ZNF804A: variants seen among roughly 807,000 people sequenced by gnomAD.
ZNF804A encodes the protein zinc finger protein 804A.
In ZNF804A, 2 loss-of-function variants were observed where a neutral mutation model predicts 16.5. The observed-to-expected ratio is 0.12, with a 90% confidence interval of 0.05 to 0.38. The LOEUF (loss-of-function observed/expected upper bound fraction) is 0.38. ZNF804A is among the 10% of genes least tolerant of loss of function. The pLI, the probability that ZNF804A is intolerant of heterozygous loss-of-function variation, is 0.99. For synonymous variants in ZNF804A, 534 were observed against 489.6 expected (o/e 1.09, Z -1.20); for missense variants, 1,473 against 1,390.7 (o/e 1.06, Z -0.94).
rs191729559 is a variant in ZNF804A at position 184,624,117 on chromosome 2, G to A, written c.111+25047G>A. 4.6e-5 allele frequency among the ~76,000 whole-genome samples: 7 copies of A among 152,192 alleles called. No individual in the cohort carries two copies. The East Asian group carries it at 1.4e-3, about 29-fold the overall frequency. On this transcript the variant is annotated intron_variant, in intron 1 of 3. Transcript: ENST00000302277. ...ATAGTGCTGGCCCATTAATACATTT[G>A]CAGTTACCAGTAGATTAAAGGAGTG...
chr2:184,825,004 A>C (rs565845459), intron 1 of ZNF804A, among the ~76,000 whole-genome samples: 5 of 152,316 alleles, frequency 3.3e-5, no homozygotes, highest in African/African-American at 9.6e-5. Flanking sequence ...CCACGTCTCA[A>C]TATGAGTGTC....
intron 1 of ZNF804A, among the ~76,000 whole-genome samples, chr2:184,612,145 T>A (rs1168020753): frequency 1.3e-5 from 2 of 152,198 alleles, no homozygotes; most frequent in Non-Finnish European, 2.9e-5. Flanking sequence ...TCAACTGTGA[T>A]GATAGTTACT....
At chr2:184,660,186 T>C (rs1692146009) in intron 1 of ZNF804A, among the ~76,000 whole-genome samples, 1 of 152,160 alleles carries the variant, frequency 6.6e-6, no homozygotes, top group Non-Finnish European at 1.5e-5. Flanking sequence ...CTTGATCCAA[T>C]CCACAAAACA....
intron 1 of ZNF804A, among the ~76,000 whole-genome samples, chr2:184,613,329 G>T (rs1027838736): frequency 4.6e-5 from 7 of 152,164 alleles, no homozygotes; most frequent in African/African-American, 1.4e-4. Context: ...TACACACCAT[G>T]GTAGTAGAGG....
intron 1 of ZNF804A, among the ~76,000 whole-genome samples, chr2:184,663,386 C>A (rs1233234763): frequency 6.6e-6 from 1 of 152,092 alleles, no homozygotes; most frequent in Non-Finnish European, 1.5e-5. Context: ...GCCACCTGGG[C>A]CCCCTCTAGA....
intron 1 of ZNF804A, among the ~76,000 whole-genome samples, chr2:184,862,665 CT>C (rs1326497675): frequency 5.1e-4 from 77 of 151,882 alleles, no homozygotes; most frequent in East Asian, 3.3e-3. Flanking sequence ...TAGTTATTAA[CT>C]TTTTTTAAAT....
chr2:184,806,340 TA>T (rs1040716981), intron 1 of ZNF804A, among the ~76,000 whole-genome samples: 3 of 152,014 alleles, frequency 2.0e-5, no homozygotes, highest in Non-Finnish European at 2.9e-5. Flanking sequence ...TATAGAAATT[TA>T]ATATGTTTTT....
At chr2:184,607,013 T>G (rs1375855276) in intron 1 of ZNF804A, among the ~76,000 whole-genome samples, 1 of 152,232 alleles carries the variant, frequency 6.6e-6, no homozygotes, top group Non-Finnish European at 1.5e-5. Flanking sequence ...GCATTGATGT[T>G]GATAACTATA....
At chr2:184,659,137 C>G (rs1692126738) in intron 1 of ZNF804A, among the ~76,000 whole-genome samples, 1 of 152,130 alleles carries the variant, frequency 6.6e-6, no homozygotes, top group Admixed American at 6.5e-5. Context: ...GAATATATGG[C>G]TTTTTCTGGT....
chr2:184,871,343 C>T (rs953685421), intron 2 of ZNF804A, among the ~76,000 whole-genome samples: 10 of 150,128 alleles, frequency 6.7e-5, no homozygotes, highest in Admixed American at 4.7e-4. Flanking sequence ...AGTTGGTAAA[C>T]TCTGATGATG....
chr2:184,735,692 A>C (rs934262324), intron 1 of ZNF804A, among the ~76,000 whole-genome samples: 2 of 152,222 alleles, frequency 1.3e-5, no homozygotes, highest in African/African-American at 4.8e-5. Flanking sequence ...ATAGTGTCAG[A>C]GAAATTGCTC....
At position 184,733,116 on chromosome 2, in the gene ZNF804A, GA is replaced by G. The variant is rs565624546; in HGVS notation, c.112-133251del. Among the ~76,000 whole-genome samples, 25 of 152,210 alleles carry G rather than the reference GA, an allele frequency of 1.6e-4. No homozygotes were observed. The East Asian group carries it at 4.8e-3, about 29-fold the overall frequency. ...TTTGTTTTGTTCCTGATCTTAGTCA[GA>G]AGGCTTTGAGTTTCTCACCATAAAG... On this transcript the variant is annotated intron_variant, in intron 1 of 3. Transcript: ENST00000302277.
chr2:184,908,541 A>T lies in ZNF804A; in HGVS notation c.256-25062A>T, dbSNP rs768473842. On this transcript the variant is annotated intron_variant, in intron 2 of 3. Coordinates refer to ENST00000302277, the MANE Select transcript of ZNF804A (RefSeq NM_194250.2). ...GATTAGGAAATGAACATTTAAGGGGAACATTATTCTGTCTACCACAGGCAT... is the reference window on the plus strand; with the variant it reads ...GATTAGGAAATGAACATTTAAGGGGTACATTATTCTGTCTACCACAGGCAT... 1.2e-4 allele frequency among the ~76,000 whole-genome samples: 19 copies of T among 152,156 alleles called. 1 individual carries two copies. The highest frequency in any genetic ancestry group is 2.5e-4 in the Non-Finnish European group (17 of 68,028).
intron 1 of ZNF804A, among the ~76,000 whole-genome samples, chr2:184,667,195 G>C (rs957035792): frequency 6.6e-6 from 1 of 151,738 alleles, no homozygotes; most frequent in African/African-American, 2.4e-5. Flanking sequence ...CATTCTTACT[G>C]TTTTTGCTTA....
At chr2:184,921,882 T>C (rs1415014623) in intron 2 of ZNF804A, among the ~76,000 whole-genome samples, 1 of 152,146 alleles carries the variant, frequency 6.6e-6, no homozygotes, top group Non-Finnish European at 1.5e-5. Flanking sequence ...TGTCTTTCAG[T>C]GCCTGGCTTA....
intron 1 of ZNF804A, among the ~76,000 whole-genome samples, chr2:184,752,329 G>T (rs1423199127): frequency 2.0e-5 from 3 of 151,492 alleles, no homozygotes; most frequent in South Asian, 4.1e-4. Flanking sequence ...TTCTTTGCAG[G>T]AGCATGGATG....
chr2:184,770,758 T>G (rs184940921), intron 1 of ZNF804A, among the ~76,000 whole-genome samples: 35 of 152,126 alleles, frequency 2.3e-4, no homozygotes, highest in Non-Finnish European at 3.4e-4. Flanking sequence ...AAATCAAAAC[T>G]ATCTGAAATG....
intron 1 of ZNF804A, among the ~76,000 whole-genome samples, chr2:184,773,114 T>C (rs1041745779): frequency 6.6e-6 from 1 of 151,232 alleles, no homozygotes; most frequent in African/African-American, 2.4e-5. Context: ...GTTATACTTT[T>C]GTGATTGAGT....
At chr2:184,640,814 C>T (rs1296988319) in intron 1 of ZNF804A, among the ~76,000 whole-genome samples, 1 of 152,130 alleles carries the variant, frequency 6.6e-6, no homozygotes, top group Non-Finnish European at 1.5e-5. Flanking sequence ...ATACATGGGG[C>T]ATCTCCCGTC....
Sources: allele counts gnomAD v4.1 joint callset (sites outside exome capture counted in the v4.1 genomes callset), GRCh38; gene constraint gnomAD v4.1.1; transcripts MANE v1.5; gene names NCBI Gene and HGNC (gene_info 2026-07-23, HGNC 2026-07-21).